Variants in DSCAM observed in about 807,000 individuals in gnomAD.
The protein encoded by DSCAM is cell adhesion molecule DSCAM.
A neutral mutation model predicts 217.7 loss-of-function variants in DSCAM; 47 were observed. That is an observed-to-expected ratio of 0.22 (90% CI 0.17 to 0.28). The LOEUF is 0.28. Ranked by LOEUF, DSCAM falls within the 10% of genes least tolerant of loss-of-function variation. The pLI, the probability that DSCAM is intolerant of heterozygous loss-of-function variation, is 1.00. For synonymous variants in DSCAM, 1,056 were observed against 1,015.3 expected (o/e 1.04, Z -0.76); for missense variants, 2,080 against 2,618.3 (o/e 0.79, Z 4.49).
chr21:40,403,458 A>G (rs1031719043), intron 3 of DSCAM, among the ~76,000 whole-genome samples: 1 of 152,122 alleles, frequency 6.6e-6, no homozygotes, highest in South Asian at 2.1e-4. Flanking sequence ...CTATTTTACA[A>G]AGAATAAATT....
At chr21:40,659,393 CA>C (rs2090113220) in intron 3 of DSCAM, among the ~76,000 whole-genome samples, 1 of 138,686 alleles carries the variant, frequency 7.2e-6, no homozygotes, top group African/African-American at 3.0e-5. Flanking sequence ...ATCTATCTAT[CA>C]TCTCTCTCAT....
rs142489873 is a variant in DSCAM at position 40,366,849 on chromosome 21, T to C, written c.655+2250A>G. ...CTGTATGGGCTTCCACTTCTGGCCA[T>C]GTGTTTCCTAGAACACTGTTTTTTA... is the stretch of plus-strand genomic sequence containing the variant. On this transcript the variant is annotated intron_variant, in intron 4 of 32. Transcript: ENST00000400454. Among the ~76,000 whole-genome samples, 162 of 152,308 alleles carry C rather than the reference T, an allele frequency of 1.1e-3. 1 individual carries two copies. The highest frequency in any genetic ancestry group is 3.4e-3 in the African/African-American group (142 of 41,576).
chr21:40,573,721 C>T (rs983446484), intron 3 of DSCAM, among the ~76,000 whole-genome samples: 2 of 151,936 alleles, frequency 1.3e-5, no homozygotes, highest in African/African-American at 4.8e-5. Context: ...TTGTTTAAGA[C>T]AGTTTAATAA....
chr21:40,486,117 A>G (rs2076025971), intron 3 of DSCAM, among the ~76,000 whole-genome samples: 1 of 152,256 alleles, frequency 6.6e-6, no homozygotes, highest in African/African-American at 2.4e-5. Flanking sequence ...GGTCAGCCAT[A>G]GATGGCTAAC....
At chr21:40,020,727 C>T (rs746356842) in intron 32 of DSCAM, among the ~76,000 whole-genome samples, 28 of 152,178 alleles carry the variant, frequency 1.8e-4, no homozygotes, top group Non-Finnish European at 2.6e-4. Flanking sequence ...CCTACCTGCC[C>T]GCACTGCCGG....
intron 19 of DSCAM, among the ~76,000 whole-genome samples, chr21:40,130,586 C>G (rs144684463): frequency 5.9e-5 from 9 of 151,826 alleles, no homozygotes; most frequent in African/African-American, 1.9e-4. Context: ...CCTGAGGCTC[C>G]GACCACAGAC....
intron 3 of DSCAM, among the ~76,000 whole-genome samples, chr21:40,429,105 A>C (rs2075505145): frequency 6.6e-6 from 1 of 152,156 alleles, no homozygotes; most frequent in African/African-American, 2.4e-5. Flanking sequence ...AGTTGTATCC[A>C]AATTTTCAAT....
At chr21:40,450,377 G>A (rs970416842) in intron 3 of DSCAM, among the ~76,000 whole-genome samples, 12 of 152,124 alleles carry the variant, frequency 7.9e-5, no homozygotes, top group Non-Finnish European at 1.0e-4. Context: ...ATGTACCACT[G>A]TTTGCCTTCA....
At chr21:40,238,761 G>A (rs2073110561) in intron 11 of DSCAM, among the ~76,000 whole-genome samples, 1 of 152,074 alleles carries the variant, frequency 6.6e-6, no homozygotes, top group Admixed American at 6.5e-5. Context: ...ATTCTTTTTG[G>A]TGACAGCTCC....
chr21:40,334,632 C>T (rs976314384), intron 8 of DSCAM, among the ~76,000 whole-genome samples: 14 of 152,028 alleles, frequency 9.2e-5, no homozygotes, highest in Admixed American at 3.9e-4. Flanking sequence ...GAATCAGATG[C>T]GTCCTTCTTC....
chr21:40,181,061 C>T (rs1601414981), intron 14 of DSCAM, among the ~76,000 whole-genome samples: 2 of 152,096 alleles, frequency 1.3e-5, no homozygotes, highest in Non-Finnish European at 1.5e-5. Flanking sequence ...CTGGGGGACC[C>T]GTTACAAAGC....
rs1421882831 is a variant in DSCAM, at chr21:40,637,119, A to T, written c.508+55691T>A. Among the ~76,000 whole-genome samples, 24 of 71,168 alleles carry T rather than the reference A, an allele frequency of 3.4e-4. 5 individuals carry two copies. The highest frequency in any genetic ancestry group is 6.1e-4 in the Non-Finnish European group (23 of 37,862). The allele number at this position is 71,168 out of a possible 152,430, so 46.7% of individuals were successfully genotyped here. A position where few individuals can be genotyped will look rare whatever the true frequency, so the allele number is the denominator to read the frequency against. ...AGGCCCTTCTCATTCATATATATAT[A>T]TATATATATAAATATATAAATATAT... On this transcript the variant is annotated intron_variant, in intron 3 of 32. Coordinates refer to ENST00000400454, the MANE Select transcript of DSCAM (RefSeq NM_001389.5).
chr21:40,509,154 G>A (rs1568863448), intron 3 of DSCAM, among the ~76,000 whole-genome samples: 1 of 152,036 alleles, frequency 6.6e-6, no homozygotes, highest in Non-Finnish European at 1.5e-5. Context: ...TTTGGAAGTT[G>A]ATGTCAGTCC....
chr21:40,838,417 C>A (rs1214986154), intron 1 of DSCAM, among the ~76,000 whole-genome samples: 1 of 152,208 alleles, frequency 6.6e-6, no homozygotes, highest in African/African-American at 2.4e-5. Context: ...CAGCTTCTAC[C>A]TGATCATTGT....
rs562748185 is a variant in DSCAM, at chr21:40,056,669, T to C, written c.4920-829A>G. Among the ~76,000 whole-genome samples the C allele has an allele frequency of 1.3e-3, 201 of 152,332 alleles. 2 individuals are homozygous for C. Among genetic ancestry groups the C allele is most frequent in the African/African-American group, 4.6e-3 (192 of 41,572 alleles). On this transcript the variant is annotated intron_variant, in intron 28 of 32. Transcript: ENST00000400454. The stretch of plus-strand genomic sequence containing the variant: ...AATAAGACTTTACTAGATGTTCAAA[T>C]AGTATTTACTGAAGCATCCTCTAAG...
At chr21:40,375,408 C>G (rs532149439) in intron 3 of DSCAM, among the ~76,000 whole-genome samples, 93 of 152,360 alleles carry the variant, frequency 6.1e-4, no homozygotes, top group Non-Finnish European at 3.7e-4. Flanking sequence ...TTCCACTCCA[C>G]TCTCTCCTTC....
chr21:40,768,304 C>T (rs1016993121), intron 1 of DSCAM, among the ~76,000 whole-genome samples: 2 of 152,034 alleles, frequency 1.3e-5, no homozygotes, highest in African/African-American at 4.8e-5. Flanking sequence ...TGCCTCATTA[C>T]CTTACGGTGA....
chr21:40,804,545 T>C (rs965839984), intron 1 of DSCAM, among the ~76,000 whole-genome samples: 2 of 152,028 alleles, frequency 1.3e-5, no homozygotes, highest in Non-Finnish European at 2.9e-5. Context: ...CACACCTTCC[T>C]GGAGAAGATG....
chr21:40,409,330 T>C (rs1218165651), intron 3 of DSCAM, among the ~76,000 whole-genome samples: 1 of 152,232 alleles, frequency 6.6e-6, no homozygotes, highest in Non-Finnish European at 1.5e-5. Flanking sequence ...TCAAAATATA[T>C]GAAATAGTGA....
Sources: allele counts gnomAD v4.1 joint callset (sites outside exome capture counted in the v4.1 genomes callset), GRCh38; gene constraint gnomAD v4.1.1; transcripts MANE v1.5; gene names NCBI Gene and HGNC (gene_info 2026-07-23, HGNC 2026-07-21).